ADH7: variants seen among roughly 807,000 people sequenced by gnomAD.
ADH7 encodes the protein all-trans-retinol dehydrogenase [NAD(+)] ADH7.
ADH7 carries 41 observed loss-of-function variants against 34.4 expected under a neutral mutation model. The ratio of observed to expected loss-of-function variants is 1.19; its 90% CI spans 0.93 to 1.55. The LOEUF (loss-of-function observed/expected upper bound fraction) is 1.55. Among genes scored for constraint, ADH7 ranks in the 40% most tolerant of loss-of-function variants. ADH7 has a pLI of 0.00. For synonymous variants in ADH7, 180 were observed against 160.9 expected (o/e 1.12, Z -0.90); for missense variants, 540 against 461.2 (o/e 1.17, Z -1.56).
At chr4:99,417,769 T>C (rs1721554125) in intron 7 of ADH7, among the ~76,000 whole-genome samples, 1 of 152,210 alleles carries the variant, frequency 6.6e-6, no homozygotes, top group African/African-American at 2.4e-5. Flanking sequence ...GCTGAATAAC[T>C]GAATTTTACC....
At chr4:99,427,664 A>G in intron 5 of ADH7, 109 bp downstream of exon 5, 3 of 825,824 alleles carry the variant, frequency 3.6e-6, no homozygotes, top group Non-Finnish European at 5.1e-6. Flanking sequence ...TGAATATGCA[A>G]TACATTCTTT....
At chr4:99,414,518 A>C (rs1439736603) in intron 8 of ADH7, among the ~76,000 whole-genome samples, 3 of 152,120 alleles carry the variant, frequency 2.0e-5, no homozygotes, top group Admixed American at 6.6e-5. Flanking sequence ...AATTTGCATG[A>C]ATTCATACTT....
intron 1 of ADH7, among the ~76,000 whole-genome samples, chr4:99,430,474 C>T (rs1398625308): frequency 6.6e-6 from 1 of 152,194 alleles, no homozygotes; most frequent in Non-Finnish European, 1.5e-5. Flanking sequence ...ACCTCCCAAT[C>T]TGTCTAGGAC....
intron 5 of ADH7, among the ~76,000 whole-genome samples, chr4:99,421,603 T>C (rs1721665207): frequency 6.6e-6 from 1 of 152,198 alleles, no homozygotes; most frequent in South Asian, 2.1e-4. Flanking sequence ...AAAGACTTCA[T>C]GACAAAAACA....
intron 5 of ADH7, among the ~76,000 whole-genome samples, chr4:99,422,633 TA>T (rs940763945): frequency 6.6e-6 from 1 of 151,872 alleles, no homozygotes; most frequent in Non-Finnish European, 1.5e-5. Flanking sequence ...ATAGAAGAAA[TA>T]AAAAATCATA....
Position 99,426,021 on chromosome 4 carries a change from T to C in ADH7, c.564+1752A>G, listed in dbSNP as rs933087424. Reference sequence around the variant, plus strand: ...GTTCTTTGAAACCAATGAAAACAAATACACAGCATTCGAGAATCTCTGGGA... The same window carrying C: ...GTTCTTTGAAACCAATGAAAACAAACACACAGCATTCGAGAATCTCTGGGA... On this transcript the variant is annotated intron_variant, in intron 5 of 8. Coordinates refer to ENST00000437033, the MANE Select transcript of ADH7 (RefSeq NM_000673.7). Among the ~76,000 whole-genome samples the C allele has an allele frequency of 1.1e-4, 16 of 152,030 alleles. 1 individual carries two copies. Among genetic ancestry groups the C allele is most frequent in the Admixed American group, 9.8e-4 (15 of 15,254 alleles).
chr4:99,413,634 A>T (rs1476473925), intron 8 of ADH7, among the ~76,000 whole-genome samples: 4 of 152,210 alleles, frequency 2.6e-5, no homozygotes, highest in Non-Finnish European at 5.9e-5. Flanking sequence ...GGCTTTCAAA[A>T]CCATGCTAAG....
chr4:99,422,865 T>TTTTA (rs1198911241), intron 5 of ADH7, among the ~76,000 whole-genome samples: 11 of 149,356 alleles, frequency 7.4e-5, no homozygotes, highest in Non-Finnish European at 1.0e-4. Context: ...AATAGATCTA[T>TTTTA]TTTATTTATT....
At chr4:99,425,003 G>C (rs1005906148) in intron 5 of ADH7, among the ~76,000 whole-genome samples, 4 of 151,816 alleles carry the variant, frequency 2.6e-5, no homozygotes, top group African/African-American at 9.7e-5. Flanking sequence ...TATGACATTG[G>C]CTGTGGATTT....
At chr4:99,430,642 G>A (rs528272969) in intron 1 of ADH7, among the ~76,000 whole-genome samples, 18 of 152,184 alleles carry the variant, frequency 1.2e-4, no homozygotes, top group East Asian at 1.9e-4. Flanking sequence ...ACAGATGGGC[G>A]GCTGAAAGCC....
chr4:99,427,827 A>T lies in ADH7; in HGVS notation c.510T>A (p.Cys170Ter). 6.2e-7 allele frequency: 1 copy of T among 1,609,438 alleles called. No individual in the cohort carries two copies. The highest frequency in any genetic ancestry group is 8.5e-7 in the Non-Finnish European group (1 of 1,177,250). ...CAGTGGAAAACCCACAGCCAATTAA[A>T]CAGACTTTCTCAGGAGGAGCTGCAT... ...IDDAAPPEKVCLIGCGFSTGY... is the reference protein window; with the variant it reads ...IDDAAPPEKV Residue 170 changes from cysteine to a stop codon, truncating the protein, a stop_gained, in exon 5 of 9, where the codon TGT becomes TGA. Transcript: ENST00000437033. LOFTEE classifies it high-confidence loss of function.
rs143605233 is a variant in ADH7, at chr4:99,428,942, C to T, written c.121-312G>A. Among the ~76,000 whole-genome samples, 6 of 152,284 alleles carry T rather than the reference C, an allele frequency of 3.9e-5. No individual in the cohort carries two copies. In the East Asian group the frequency reaches 1.2e-3, roughly 29 times the overall value. ...ATGGCCCCAAAGTAGATTTTTATAGCTAGGCCCTTATTGGGCTCTCTTAAC... is the reference window on the plus strand; with the variant it reads ...ATGGCCCCAAAGTAGATTTTTATAGTTAGGCCCTTATTGGGCTCTCTTAAC... On this transcript the variant is annotated intron_variant, in intron 2 of 8. Transcript: ENST00000437033.
Position 99,429,542 on chromosome 4 carries a change from A to C in ADH7, c.110T>G (p.Val37Gly). Reference protein sequence around the residue: ...IEVAPPKTKEVRIKILATGIC... With the variant: ...IEVAPPKTKEGRIKILATGIC... ...AGGGCTCACGCTTACCTTAATGCGA[A>C]CTTCTTTAGTCTTTGGTGGGGCAAC... The change falls in exon 2 of 9, where the codon GTT (valine) becomes GGT (glycine). Residue 37 changes from valine (V) to glycine (G), a missense_variant. Physicochemically the swap from Val to Gly is moderately radical, Grantham distance 109. Coordinates refer to ENST00000437033, the MANE Select transcript of ADH7 (RefSeq NM_000673.7). 1 of 1,611,282 alleles carries C rather than the reference A, an allele frequency of 6.2e-7. No homozygotes were observed. Among genetic ancestry groups the C allele is most frequent in the Non-Finnish European group, 8.5e-7 (1 of 1,178,486 alleles).
chr4:99,417,864 G>A (rs1304825249), intron 7 of ADH7, among the ~76,000 whole-genome samples: 1 of 152,110 alleles, frequency 6.6e-6, no homozygotes, highest in Admixed American at 6.5e-5. Context: ...ATCTCTTATT[G>A]TTTTGTTCTT....
intron 1 of ADH7, chr4:99,432,512 AT>A (rs1416868636): frequency 1.3e-5 from 2 of 152,208 alleles, no homozygotes; most frequent in Middle Eastern, 3.2e-3. Context: ...AAGAATTAAA[AT>A]TTTGTGTGTT....
At chr4:99,427,054 C>T (rs142509222) in intron 5 of ADH7, among the ~76,000 whole-genome samples, 14 of 152,232 alleles carry the variant, frequency 9.2e-5, no homozygotes, top group Non-Finnish European at 1.3e-4. Flanking sequence ...ATTGATGGGA[C>T]GTATCTCAAA....
chr4:99,425,643 C>T (rs565023577), intron 5 of ADH7, among the ~76,000 whole-genome samples: 2 of 152,272 alleles, frequency 1.3e-5, no homozygotes, highest in South Asian at 4.2e-4. Flanking sequence ...CAACATTAGA[C>T]AGATCAACGA....
chr4:99,425,206 A>G (rs1211424307), intron 5 of ADH7, among the ~76,000 whole-genome samples: 8 of 152,104 alleles, frequency 5.3e-5, no homozygotes, highest in Admixed American at 5.2e-4. Context: ...TTCACACATA[A>G]CAATATTAAC....
chr4:99,419,101 G>A lies in ADH7; in HGVS notation c.846C>T (p.Cys282=). ...LETMIDALAS[C]HMNYGTSVVV... is the part of the protein sequence containing the mutation. ...CCACGCTGGTCCCATAGTTCATGTG[G>A]CAGGATGCCAGGGCATCAATCTGAG... Residue 282 remains cysteine, a synonymous_variant, in exon 7 of 9, where the codon TGC becomes TGT. Coordinates refer to ENST00000437033, the MANE Select transcript of ADH7 (RefSeq NM_000673.7). 2 of 1,613,690 alleles carry A rather than the reference G, an allele frequency of 1.2e-6. No individual in the cohort carries two copies. Among genetic ancestry groups the A allele is most frequent in the East Asian group, 2.2e-5 (1 of 44,872 alleles).
Sources: allele counts gnomAD v4.1 joint callset (sites outside exome capture counted in the v4.1 genomes callset), GRCh38; gene constraint gnomAD v4.1.1; transcripts MANE v1.5; gene names NCBI Gene and HGNC (gene_info 2026-07-23, HGNC 2026-07-21).